ARMH3: variants seen among roughly 807,000 people sequenced by gnomAD.
ARMH3 encodes armadillo-like helical domain-containing protein 3.
In ARMH3, 60 loss-of-function variants were observed where a neutral mutation model predicts 99.1. The ratio of observed to expected loss-of-function variants is 0.61; its 90% CI spans 0.49 to 0.75. The LOEUF (loss-of-function observed/expected upper bound fraction) is 0.75, where lower values mean the gene tolerates loss of function less well. Among genes scored for constraint, ARMH3 ranks in the 30% least tolerant of loss-of-function variants. The probability of loss-of-function intolerance (pLI) is 0.00; values close to 1 mark genes in which losing one functional copy is unlikely to be tolerated. For synonymous variants in ARMH3, 285 were observed against 292.8 expected, an observed-to-expected ratio of 0.97 and a Z score of 0.27; for missense variants, 679 against 843.1, an observed-to-expected ratio of 0.81 and a Z score of 2.41.
At chr10:101,903,090 G>T (rs771812362) in intron 23 of ARMH3, among the ~76,000 whole-genome samples, 50 of 152,154 alleles carry the variant, frequency 3.3e-4, no homozygotes, top group Admixed American at 1.2e-3. Flanking sequence ...GCTACCAAAA[G>T]GAGAAATTTA....
chr10:101,859,063 A>T (rs1218261712), intron 24 of ARMH3, among the ~76,000 whole-genome samples: 2 of 152,246 alleles, frequency 1.3e-5, no homozygotes, highest in Non-Finnish European at 2.9e-5. Context: ...CGGAGCTAAC[A>T]TGCAAACTGA....
At position 101,977,128 on chromosome 10, in the gene ARMH3, C is replaced by CA. The variant is rs1846048842; in HGVS notation, c.1407-1829dup. Among the ~76,000 whole-genome samples, 4 of 152,126 alleles carry CA rather than the reference C, an allele frequency of 2.6e-5. No homozygotes were observed. In the South Asian group the frequency reaches 8.3e-4, roughly 32 times the overall value. ...TGGCTAATGGCTACTATAGTGAACA[C>CA]AAAAAAATATAGAACTTTTCTATTA... On this transcript the variant is annotated intron_variant, in intron 19 of 25. Transcript: ENST00000370033.
chr10:101,855,320 G>A (rs112825851), intron 24 of ARMH3, among the ~76,000 whole-genome samples: 1 of 144,180 alleles, frequency 6.9e-6, no homozygotes, highest in Non-Finnish European at 1.5e-5. Flanking sequence ...CACCTGCCTC[G>A]GCCTCCCAAA....
intron 16 of ARMH3, among the ~76,000 whole-genome samples, chr10:101,994,910 C>T (rs897066632): frequency 1.3e-5 from 2 of 152,154 alleles, no homozygotes; most frequent in African/African-American, 4.8e-5. Flanking sequence ...GGTGGCACTG[C>T]CTGTAATCCC....
chr10:101,975,381 C>G, intron 19 of ARMH3, 81 bp from the exon 20 acceptor site: 1 of 1,105,112 alleles, frequency 9.0e-7, no homozygotes, highest in Non-Finnish European at 1.4e-6. Context: ...AGTGAGCCAG[C>G]TTTGCTAAGG....
chr10:102,035,976 C>T (rs1297432629), intron 2 of ARMH3, among the ~76,000 whole-genome samples: 7 of 151,380 alleles, frequency 4.6e-5, no homozygotes, highest in South Asian at 2.1e-4. Flanking sequence ...TCTGCCCAGC[C>T]GCCCATCGTC....
chr10:101,860,502 G>A (rs2066841746), intron 24 of ARMH3, among the ~76,000 whole-genome samples: 1 of 152,144 alleles, frequency 6.6e-6, no homozygotes, highest in South Asian at 2.1e-4. Flanking sequence ...CCAAGCTAAG[G>A]AGACATATAG....
intron 24 of ARMH3, among the ~76,000 whole-genome samples, chr10:101,865,020 T>C (rs1489404608): frequency 6.6e-6 from 1 of 151,616 alleles, no homozygotes; most frequent in African/African-American, 2.4e-5. Context: ...ATCGAGACCA[T>C]CATGGCTAAC....
At chr10:101,875,124 G>C (rs2067229341) in intron 24 of ARMH3, among the ~76,000 whole-genome samples, 1 of 152,090 alleles carries the variant, frequency 6.6e-6, no homozygotes, top group South Asian at 2.1e-4. Flanking sequence ...CTGCACTAAA[G>C]ATACTTAGAA....
intron 5 of ARMH3, 63 bp downstream of exon 5, chr10:102,029,575 T>C (rs879033480): frequency 6.2e-6 from 10 of 1,614,070 alleles, no homozygotes; most frequent in South Asian, 5.5e-5. Flanking sequence ...TGTCTGCTGA[T>C]AGTGTCCAGG....
intron 24 of ARMH3, among the ~76,000 whole-genome samples, chr10:101,865,916 A>G (rs1260925016): frequency 2.0e-5 from 3 of 151,542 alleles, no homozygotes; most frequent in Non-Finnish European, 4.4e-5. Context: ...TAAATTGTGT[A>G]TTGCAGTAAA....
chr10:101,965,637 T>G (rs1845498495), intron 20 of ARMH3, among the ~76,000 whole-genome samples: 1 of 152,216 alleles, frequency 6.6e-6, no homozygotes, highest in African/African-American at 2.4e-5. Flanking sequence ...CTGCACCAAG[T>G]GAAGAACTGA....
chr10:101,968,358 C>T (rs1845626717), intron 20 of ARMH3, among the ~76,000 whole-genome samples: 1 of 152,140 alleles, frequency 6.6e-6, no homozygotes, highest in Non-Finnish European at 1.5e-5. Context: ...CTCAGTGGAG[C>T]CATCTGACAC....
chr10:102,006,648 C>T lies in ARMH3; in HGVS notation c.955-15G>A. ...TCTGGATGGCTCTGAAAAAGATACA[C>T]AGATGTGTAAGAAAACAGAAAATCC... On this transcript the variant is annotated splice_polypyrimidine_tract_variant and intron_variant, in intron 13 of 25. Transcript: ENST00000370033. The T allele has an allele frequency of 6.2e-7, 1 of 1,610,050 alleles. No homozygotes were observed. The highest frequency in any genetic ancestry group is 1.7e-4 in the Middle Eastern group (1 of 6,044).
chr10:101,886,402 T>C (rs2067543421), intron 24 of ARMH3, among the ~76,000 whole-genome samples: 1 of 145,050 alleles, frequency 6.9e-6, no homozygotes, highest in Admixed American at 6.8e-5. Flanking sequence ...CCCAGCTACC[T>C]GGGAGGCTGA....
At chr10:102,050,928 C>A (rs934034815) in intron 1 of ARMH3, among the ~76,000 whole-genome samples, 1 of 151,010 alleles carries the variant, frequency 6.6e-6, no homozygotes, top group African/African-American at 2.4e-5. Flanking sequence ...GAGGCCGAGG[C>A]AGATCACTTA....
At position 101,915,366 on chromosome 10, in the gene ARMH3, T is replaced by C. The variant is rs184921470; in HGVS notation, c.1781+24497A>G. Among the ~76,000 whole-genome samples, 25 of 152,266 alleles carry C rather than the reference T, an allele frequency of 1.6e-4. No individual in the cohort carries two copies. In the East Asian group the frequency reaches 3.9e-3, roughly 24 times the overall value. ...GTAACCTACCTGGTCTGAGACAAAA[T>C]GATGGCTACACATCTGCTCAGAGTA... On this transcript the variant is annotated intron_variant, in intron 23 of 25. Coordinates refer to ENST00000370033, the MANE Select transcript of ARMH3 (RefSeq NM_024541.3).
chr10:102,051,334 G>A (rs758541855), intron 1 of ARMH3, among the ~76,000 whole-genome samples: 2 of 149,870 alleles, frequency 1.3e-5, no homozygotes, highest in Non-Finnish European at 3.0e-5. Flanking sequence ...GTAGCTGGGT[G>A]TGGTGGAGGG....
intron 24 of ARMH3, among the ~76,000 whole-genome samples, chr10:101,874,414 C>T (rs918803955): frequency 2.0e-5 from 3 of 152,132 alleles, no homozygotes; most frequent in Non-Finnish European, 4.4e-5. Flanking sequence ...ATCAGTAACT[C>T]TAAGCTAGGA....
Sources: gnomAD v4.1 joint callset for allele counts (sites outside exome capture counted in the v4.1 genomes callset) on GRCh38, gnomAD v4.1.1 for gene constraint, MANE v1.5 for transcripts, NCBI Gene and HGNC (gene_info 2026-07-23, HGNC 2026-07-21) for gene names.